NLGN1: variants seen among roughly 807,000 people sequenced by gnomAD.
NLGN1 encodes neuroligin 1.
Under a neutral mutation model 65.5 loss-of-function variants are expected in NLGN1, and 12 were observed. The ratio of observed to expected loss-of-function variants is 0.18; its 90% CI spans 0.12 to 0.30. The LOEUF (loss-of-function observed/expected upper bound fraction) is 0.30, where lower values mean the gene tolerates loss of function less well. Among genes scored for constraint, NLGN1 ranks in the 10% least tolerant of loss-of-function variants. The probability of loss-of-function intolerance (pLI) is 1.00; values close to 1 mark genes in which losing one functional copy is unlikely to be tolerated. For synonymous variants in NLGN1, 350 were observed against 359.5 expected (o/e 0.97, Z 0.30); for missense variants, 750 against 1,007.1 (o/e 0.74, Z 3.46).
intron 4 of NLGN1, among the ~76,000 whole-genome samples, chr3:174,154,909 A>G (rs1375576041): frequency 4.5e-5 from 4 of 88,522 alleles, no homozygotes. Context: ...TTCATTTTAT[A>G]TTAAGATATT....
At chr3:173,740,193 G>A (rs1052886361) in intron 3 of NLGN1, among the ~76,000 whole-genome samples, 12 of 152,050 alleles carry the variant, frequency 7.9e-5, no homozygotes, top group African/African-American at 2.9e-4. Context: ...TTAGCACACA[G>A]TACTTATCCC....
chr3:174,221,017 A>G (rs1738541761), intron 4 of NLGN1, among the ~76,000 whole-genome samples: 1 of 152,208 alleles, frequency 6.6e-6, no homozygotes, highest in African/African-American at 2.4e-5. Context: ...TGAAGAAAAC[A>G]CAGGAAAATC....
At chr3:173,950,094 T>C (rs1293338198) in intron 4 of NLGN1, among the ~76,000 whole-genome samples, 1 of 152,180 alleles carries the variant, frequency 6.6e-6, no homozygotes, top group Middle Eastern at 3.2e-3. Context: ...AAAAATTTGG[T>C]AAAATTATTG....
intron 4 of NLGN1, among the ~76,000 whole-genome samples, chr3:174,209,623 C>CTTTTTTTTTTT (rs796169913): frequency 2.8e-4 from 23 of 82,090 alleles, no homozygotes; most frequent in African/African-American, 4.4e-4. Context: ...ACCTTTCTTT[C>CTTTTTTTTTTT]TTTTTTTTTT....
chr3:173,550,041 T>C (rs560443256), intron 2 of NLGN1, among the ~76,000 whole-genome samples: 2 of 152,070 alleles, frequency 1.3e-5, no homozygotes, highest in Non-Finnish European at 2.9e-5. Context: ...CTCTGAAAGC[T>C]GTAAAAGTGT....
chr3:173,756,273 A>T (rs1028798503), intron 3 of NLGN1, among the ~76,000 whole-genome samples: 5 of 151,974 alleles, frequency 3.3e-5, no homozygotes, highest in Non-Finnish European at 7.4e-5. Context: ...AATTTTTAAA[A>T]GTTAAATTTT....
intron 4 of NLGN1, among the ~76,000 whole-genome samples, chr3:173,973,963 A>G (rs559816042): frequency 6.6e-6 from 1 of 152,148 alleles, no homozygotes. Flanking sequence ...GCTTTGATGC[A>G]TGGGCTAGCA....
intron 4 of NLGN1, among the ~76,000 whole-genome samples, chr3:173,933,074 C>G (rs1027914526): frequency 1.3e-5 from 2 of 152,010 alleles, no homozygotes; most frequent in Non-Finnish European, 2.9e-5. Flanking sequence ...CAGAAAAGCT[C>G]AGAAAACCTT....
intron 1 of NLGN1, among the ~76,000 whole-genome samples, chr3:173,399,225 A>G (rs956397903): frequency 6.6e-6 from 1 of 152,206 alleles, no homozygotes; most frequent in Admixed American, 6.5e-5. Context: ...GGTTTGATTA[A>G]AAGAAGTAAC....
At chr3:174,172,943 C>T (rs1245734207) in intron 4 of NLGN1, among the ~76,000 whole-genome samples, 5 of 152,094 alleles carry the variant, frequency 3.3e-5, no homozygotes, top group Non-Finnish European at 7.4e-5. Context: ...TTCTTCCAAT[C>T]CATGAACATA....
chr3:173,537,488 G>GTGTA (rs1274498282), intron 2 of NLGN1, among the ~76,000 whole-genome samples: 2 of 150,370 alleles, frequency 1.3e-5, no homozygotes, highest in African/African-American at 5.0e-5. Flanking sequence ...TGCTTAGTGT[G>GTGTA]TGTGTGTGTG....
At chr3:173,983,608 G>T (rs1719235517) in intron 4 of NLGN1, among the ~76,000 whole-genome samples, 1 of 152,076 alleles carries the variant, frequency 6.6e-6, no homozygotes, top group South Asian at 2.1e-4. Context: ...TTATGCTCCA[G>T]CCTCTTGTAG....
intron 4 of NLGN1, among the ~76,000 whole-genome samples, chr3:174,100,312 CTA>C (rs1712130051): frequency 6.6e-6 from 1 of 151,890 alleles, no homozygotes; most frequent in African/African-American, 2.4e-5. Flanking sequence ...TTTAGCTACT[CTA>C]TAATGTTCAC....
chr3:173,444,237 C>A (rs1719743556), intron 2 of NLGN1, among the ~76,000 whole-genome samples: 1 of 152,166 alleles, frequency 6.6e-6, no homozygotes, highest in Non-Finnish European at 1.5e-5. Context: ...AAATCACTTT[C>A]ATATTTGATA....
intron 2 of NLGN1, among the ~76,000 whole-genome samples, chr3:173,438,340 A>C (rs1718523039): frequency 1.3e-5 from 2 of 152,124 alleles, no homozygotes; most frequent in Non-Finnish European, 2.9e-5. Context: ...ATAGTTTTAA[A>C]AAGGTGAAAA....
intron 3 of NLGN1, among the ~76,000 whole-genome samples, chr3:173,765,290 T>C (rs1050194178): frequency 1.3e-5 from 2 of 152,028 alleles, no homozygotes; most frequent in African/African-American, 4.8e-5. Flanking sequence ...TAAAACAATA[T>C]AGAATGAAAA....
intron 4 of NLGN1, among the ~76,000 whole-genome samples, chr3:174,091,246 ATTTGTG>A (rs1040883031): frequency 2.6e-5 from 4 of 152,266 alleles, no homozygotes; most frequent in African/African-American, 9.6e-5. Flanking sequence ...TAAAACAGCT[ATTTGTG>A]TTTATAGCTT....
At chr3:173,938,573 CAT>C (rs1745441585) in intron 4 of NLGN1, among the ~76,000 whole-genome samples, 1 of 152,088 alleles carries the variant, frequency 6.6e-6, no homozygotes, top group African/African-American at 2.4e-5. Context: ...ACTGCTATCA[CAT>C]ACAAAATGTC....
intron 4 of NLGN1, among the ~76,000 whole-genome samples, chr3:174,191,082 C>G (rs908414715): frequency 2.0e-5 from 3 of 152,012 alleles, no homozygotes; most frequent in Non-Finnish European, 4.4e-5. Flanking sequence ...TTAGCAGAAG[C>G]CTTTCCATAG....
Sources: gnomAD v4.1 joint callset for allele counts (sites outside exome capture counted in the v4.1 genomes callset) on GRCh38, gnomAD v4.1.1 for gene constraint, MANE v1.5 for transcripts, NCBI Gene and HGNC (gene_info 2026-07-23, HGNC 2026-07-21) for gene names.